The following CYP2S1 variants were observed in gnomAD, a reference collection of about 807,000 sequenced individuals.
CYP2S1 encodes the protein cytochrome P450 family 2 subfamily S member 1.
A neutral mutation model predicts 43.5 loss-of-function variants in CYP2S1; 32 were observed. The ratio of observed to expected loss-of-function variants is 0.74; its 90% confidence interval spans 0.56 to 0.99. CYP2S1 has a LOEUF of 0.99. Ranked by LOEUF, CYP2S1 falls within the 50% of genes least tolerant of loss-of-function variation. The pLI is 0.00. For synonymous variants in CYP2S1, 283 were observed against 302.9 expected, an observed-to-expected ratio of 0.93 and a Z score of 0.68; for missense variants, 575 against 673.9, an observed-to-expected ratio of 0.85 and a Z score of 1.62.
chr19:41,203,572 G>C lies in CYP2S1; in HGVS notation c.1099G>C (p.Val367Leu). Residue 367 changes from valine (V) to leucine (L), a missense_variant, in exon 7 of 9, where the codon GTG (valine) becomes CTG (leucine). Val to Leu is a conservative substitution (Grantham distance 32). Coordinates refer to ENST00000310054, the MANE Select transcript of CYP2S1 (RefSeq NM_030622.8). The stretch of plus-strand genomic sequence containing the variant: ...TGAGGCGCAGCGGCTGCTGGCGCTG[G>C]TGCCCATGGGAATACCCCGCACCCT... ...LHEAQRLLAL[V>L]PMGIPRTLMR... 6.4e-7 allele frequency: 1 copy of C among 1,569,220 alleles called. No homozygotes were observed. Among genetic ancestry groups the C allele is most frequent in the Non-Finnish European group, 8.6e-7 (1 of 1,157,348 alleles).
At chr19:41,204,592 CT>C (rs553640679) in intron 7 of CYP2S1, among the ~76,000 whole-genome samples, 5,272 of 108,970 alleles carry the variant, frequency 0.048, 156 homozygotes, top group African/African-American at 0.099. Context: ...TCTTCTTCTT[CT>C]TTTTTTTTTT....
intron 8 of CYP2S1, 70 bp from the exon 9 acceptor site, chr19:41,206,210 G>A (rs1001163130): frequency 1.2e-6 from 2 of 1,610,968 alleles, no homozygotes; most frequent in African/African-American, 2.7e-5. Flanking sequence ...TCCTCCACCT[G>A]CTGTTCCCCC....
chr19:41,207,089 C>A lies in CYP2S1; in HGVS notation c.*601C>A, dbSNP rs977891913. On this transcript the variant is annotated 3_prime_UTR_variant, in exon 9 of 9. Transcript: ENST00000310054. ...CCACACAGCTACCCACGTACGACAT[C>A]GTCCTGGCTCCCCAGAGTATCTTCC... 1 of 323,108 alleles carries A rather than the reference C, an allele frequency of 3.1e-6. No individual in the cohort carries two copies. The highest frequency in any genetic ancestry group is 6.1e-6 in the Non-Finnish European group (1 of 163,710). The allele number at this position is 323,108 out of a possible 1,614,324, so 20.0% of individuals were successfully genotyped here.
At position 41,206,386 on chromosome 19, in the gene CYP2S1, C is replaced by G. The variant is rs780030868; in HGVS notation, c.1413C>G (p.Thr471=). Residue 471 remains threonine (T), a synonymous_variant, in exon 9 of 9, where the codon ACC becomes ACG. Coordinates refer to ENST00000310054, the MANE Select transcript of CYP2S1 (RefSeq NM_030622.8). ...TGGAGAGCCCGTGCCCGCCGGACAC[C>G]CTGAGCCTCAAGCCCACCGTCAGTG... ...FSLESPCPPD[T]LSLKPTVSGL... The G allele has an allele frequency of 1.9e-6, 3 of 1,614,162 alleles. No homozygotes were observed. The highest frequency in any genetic ancestry group is 2.5e-6 in the Non-Finnish European group (3 of 1,180,032).
Position 41,198,977 on chromosome 19 carries a change from G to T in CYP2S1, c.834+89G>T, listed in dbSNP as rs115838726. ...AGGTGTCCCTGGGGACCTCAATTGG[G>T]TTCCTCTCTCTTTCTCTCTCTGCAT... is the stretch of plus-strand genomic sequence containing the variant. On this transcript the variant is annotated intron_variant, in intron 5 of 8. Transcript: ENST00000310054. This position sits in a 1 kb window ranked among gnomAD's most constrained non-coding sequence, Gnocchi z 4.9. 1 of 1,472,076 alleles carries T rather than the reference G, an allele frequency of 6.8e-7. No homozygotes were observed. Among genetic ancestry groups the T allele is most frequent in the Non-Finnish European group, 9.1e-7 (1 of 1,096,916 alleles). The allele number at this position is 1,472,076 out of a possible 1,614,324, so 91.2% of individuals were successfully genotyped here.
Position 41,198,071 on chromosome 19 carries a change from T to C in CYP2S1, c.493+143T>C. The C allele has an allele frequency of 1.7e-6, 2 of 1,182,374 alleles. No homozygotes were observed. The highest frequency in any genetic ancestry group is 3.2e-5 in the South Asian group (2 of 61,928). The allele number at this position is 1,182,374 out of a possible 1,614,324, so 73.2% of individuals were successfully genotyped here. ...CTCTAGGGCTGGCCTGGGGGTTCTG[T>C]TCACTGCCACCTTCTGTCTCTGTCC... On this transcript the variant is annotated intron_variant, in intron 3 of 8. Coordinates refer to ENST00000310054, the MANE Select transcript of CYP2S1 (RefSeq NM_030622.8). The surrounding 1 kb of genome is among the most constrained non-coding windows in gnomAD (Gnocchi z 4.9).
At chr19:41,201,397 G>A (rs762215456) in intron 6 of CYP2S1, 25 bp downstream of exon 6, 31 of 1,610,746 alleles carry the variant, frequency 1.9e-5, no homozygotes, top group Non-Finnish European at 2.5e-5. Context: ...CACTTGCCAG[G>A]CCTTGGGAAC....
chr19:41,206,687 C>T lies in CYP2S1; in HGVS notation c.*199C>T, dbSNP rs371056927. 1.5e-5 allele frequency: 12 copies of T among 791,378 alleles called. No homozygotes were observed. Among genetic ancestry groups the T allele is most frequent in the Non-Finnish European group, 2.3e-5 (10 of 443,040 alleles). 49.0% of individuals were successfully genotyped at this position (791,378 alleles called of 1,614,324 possible). ...TAAGATGCACAACCGCACACCCATACACAACTACAAGGGCCACAAAGCAAC... is the reference window on the plus strand; with the variant it reads ...TAAGATGCACAACCGCACACCCATATACAACTACAAGGGCCACAAAGCAAC... On this transcript the variant is annotated 3_prime_UTR_variant, in exon 9 of 9. Transcript: ENST00000310054.
chr19:41,194,522 C>T, intron 1 of CYP2S1, 22 bp from the exon 2 acceptor site: 2 of 1,556,208 alleles, frequency 1.3e-6, no homozygotes, highest in South Asian at 1.2e-5. Flanking sequence ...GCACCCTCCT[C>T]TTTCTTCCTC....
In CYP2S1 at chr19:41,206,376, C is replaced by T. The variant is rs374888791; in HGVS notation, c.1403C>T (p.Pro468Leu). 2.8e-5 allele frequency: 45 copies of T among 1,614,044 alleles called. No individual in the cohort carries two copies. Among genetic ancestry groups the T allele is most frequent in the Non-Finnish European group, 3.2e-5 (38 of 1,180,040 alleles). The change falls in exon 9 of 9, where the codon CCG becomes CTG. Residue 468 changes from proline to leucine, a missense_variant. Transcript: ENST00000310054. ...LQAFSLESPCPPDTLSLKPTV... is the reference protein window; with the variant it reads ...LQAFSLESPCLPDTLSLKPTV... ...GCCTTCTCCCTGGAGAGCCCGTGCC[C>T]GCCGGACACCCTGAGCCTCAAGCCC...
chr19:41,198,372 C>T lies in CYP2S1; in HGVS notation c.494-90C>T. 2.0e-6 allele frequency: 3 copies of T among 1,529,494 alleles called. No individual in the cohort carries two copies. Among genetic ancestry groups the T allele is most frequent in the Non-Finnish European group, 2.7e-6 (3 of 1,126,934 alleles). 94.7% of individuals were successfully genotyped at this position (1,529,494 alleles called of 1,614,324 possible). ...GCTGTCCATCCATCTTTCCCTGCCT[C>T]CCTGTCTCTCTCTGGTTGGGTTCAG... On this transcript the variant is annotated intron_variant, in intron 3 of 8. Coordinates refer to ENST00000310054, the MANE Select transcript of CYP2S1 (RefSeq NM_030622.8). The surrounding 1 kb of genome is among the most constrained non-coding windows in gnomAD (Gnocchi z 4.9).
chr19:41,197,159 C>T (rs2033423015), intron 2 of CYP2S1, among the ~76,000 whole-genome samples: 1 of 152,034 alleles, frequency 6.6e-6, no homozygotes, highest in Non-Finnish European at 1.5e-5. Flanking sequence ...CGTGCCATTG[C>T]ACTCCAGCCT....
At position 41,193,293 on chromosome 19, in the gene CYP2S1, T is replaced by TGCTGGC. The variant is rs1050684318; in HGVS notation, c.40_45dup (p.Ala14_Leu15dup). 2.6e-6 allele frequency: 4 copies of TGCTGGC among 1,542,840 alleles called. No individual in the cohort carries two copies. Among genetic ancestry groups the TGCTGGC allele is most frequent in the East Asian group, 4.9e-5 (2 of 40,794 alleles). On this transcript the variant is annotated inframe_insertion, in exon 1 of 9. Transcript: ENST00000310054. ...GAGGCGACCGGCACCTGGGCGCTGC[T>TGCTGGC]GCTGGCGCTGGCGCTGCTCCTGCTG...
At chr19:41,205,227 C>G (rs2122168781) in intron 7 of CYP2S1, among the ~76,000 whole-genome samples, 1 of 152,208 alleles carries the variant, frequency 6.6e-6, no homozygotes, top group Non-Finnish European at 1.5e-5. Flanking sequence ...AAACTGAGAG[C>G]TTGAAAAGTT....
chr19:41,193,445 A>C lies in CYP2S1; in HGVS notation c.177+4A>C, dbSNP rs1056180742. 16 of 1,444,288 alleles carry C rather than the reference A, an allele frequency of 1.1e-5. No individual in the cohort carries two copies. The highest frequency in any genetic ancestry group is 1.5e-5 in the Non-Finnish European group (16 of 1,094,334). The allele number at this position is 1,444,288 out of a possible 1,614,324, so 89.5% of individuals were successfully genotyped here. On this transcript the variant is annotated splice_donor_region_variant and intron_variant, in intron 1 of 8. Coordinates refer to ENST00000310054, the MANE Select transcript of CYP2S1 (RefSeq NM_030622.8). ...GCTGTATTCAGGGCTCATGCGGGTA[A>C]GGGGCTCTGGGGACGTCCTGGCTAG...
At chr19:41,204,051 C>G (rs1023877947) in intron 7 of CYP2S1, among the ~76,000 whole-genome samples, 2 of 152,094 alleles carry the variant, frequency 1.3e-5, no homozygotes, top group South Asian at 2.1e-4. Context: ...TTAGTAGACA[C>G]GGGGTTTCAT....
In CYP2S1 at chr19:41,207,224, T is replaced by G. The variant is rs907291365; in HGVS notation, c.*736T>G. 1 of 254,654 alleles carries G rather than the reference T, an allele frequency of 3.9e-6. No individual in the cohort carries two copies. The highest frequency in any genetic ancestry group is 9.2e-5 in the East Asian group (1 of 10,814). The allele number at this position is 254,654 out of a possible 1,614,324, so 15.8% of individuals were successfully genotyped here. A position where few individuals can be genotyped will look rare whatever the true frequency, so the allele number is the denominator to read the frequency against. ...TGATTCTACCAAATGCAAACACATC[T>G]GGGTCTGCGATTATGCACAGAGACT... On this transcript the variant is annotated 3_prime_UTR_variant, in exon 9 of 9. Transcript: ENST00000310054.
rs769162616 is a variant in CYP2S1 at position 41,205,338 on chromosome 19, C to T, written c.1165-620C>T. Among the ~76,000 whole-genome samples the T allele has an allele frequency of 8.3e-5, 11 of 132,180 alleles. No individual in the cohort carries two copies. The South Asian group carries it at 1.3e-3, about 15-fold the overall frequency. 86.7% of individuals were successfully genotyped at this position (132,180 alleles called of 152,430 possible). ...TACTATTCTTTGCCTTTCTTTCTTTCTTTTTTTCTTTCTTTCTTTCTTTCT... is the reference window on the plus strand; with the variant it reads ...TACTATTCTTTGCCTTTCTTTCTTTTTTTTTTTCTTTCTTTCTTTCTTTCT... On this transcript the variant is annotated intron_variant, in intron 7 of 8. Transcript: ENST00000310054.
Position 41,193,458 on chromosome 19 carries a change from A to G in CYP2S1, c.177+17A>G, listed in dbSNP as rs1374186808. On this transcript the variant is annotated intron_variant, in intron 1 of 8. Coordinates refer to ENST00000310054, the MANE Select transcript of CYP2S1 (RefSeq NM_030622.8). ...CTCATGCGGGTAAGGGGCTCTGGGG[A>G]CGTCCTGGCTAGGGGTGGGAGGATT... The G allele has an allele frequency of 3.5e-6, 5 of 1,422,950 alleles. No individual in the cohort carries two copies. The highest frequency in any genetic ancestry group is 3.7e-6 in the Non-Finnish European group (4 of 1,083,940). The allele number at this position is 1,422,950 out of a possible 1,614,324, so 88.1% of individuals were successfully genotyped here. A position where few individuals can be genotyped will look rare whatever the true frequency, so the allele number is the denominator to read the frequency against.
Sources: allele counts gnomAD v4.1 joint callset (sites outside exome capture counted in the v4.1 genomes callset), GRCh38; gene constraint gnomAD v4.1.1; non-coding constraint Gnocchi (gnomAD v3.1); transcripts MANE v1.5; gene names NCBI Gene and HGNC (gene_info 2026-07-23, HGNC 2026-07-21).